The following EIF2S1 variants were observed in gnomAD, a reference collection of about 807,000 sequenced individuals.
EIF2S1 encodes the protein eukaryotic translation initiation factor 2 subunit alpha.
Under a neutral mutation model 33.5 loss-of-function variants are expected in EIF2S1, and 5 were observed. The observed-to-expected ratio is 0.15, with a 90% CI of 0.08 to 0.31. EIF2S1 has a LOEUF of 0.31. EIF2S1 is among the 10% of genes least tolerant of loss of function. The pLI is 1.00. For synonymous variants in EIF2S1, 99 were observed against 127.5 expected (o/e 0.78, Z 1.51); for missense variants, 191 against 384.6 (o/e 0.50, Z 4.21).
At chr14:67,381,762 C>CTTT in intron 6 of EIF2S1, 72 bp downstream of exon 6, 6 of 825,720 alleles carry the variant, frequency 7.3e-6, no homozygotes, top group Non-Finnish European at 7.2e-6. Flanking sequence ...ATCTTTGTTT[C>CTTT]TTTTTTTTTT....
chr14:67,370,617 T>C (rs1415480031), intron 2 of EIF2S1, among the ~76,000 whole-genome samples: 1 of 152,166 alleles, frequency 6.6e-6, no homozygotes, highest in East Asian at 1.9e-4. Flanking sequence ...TCAGGTGAAA[T>C]TAGTGAATTC....
intron 2 of EIF2S1, among the ~76,000 whole-genome samples, chr14:67,365,866 T>C (rs1000992207): frequency 2.6e-4 from 39 of 152,222 alleles, no homozygotes; most frequent in African/African-American, 9.4e-4. Context: ...TTTTAATTTT[T>C]TTTATTATAG....
chr14:67,360,406 T>C lies in EIF2S1; in HGVS notation c.-52T>C. ...GGGGAAGCAAGTCTGGTCTCTGTGATTGAAGAAGTCGGCTCTGGGCTCCAG... is the reference window on the plus strand; with the variant it reads ...GGGGAAGCAAGTCTGGTCTCTGTGACTGAAGAAGTCGGCTCTGGGCTCCAG... On this transcript the variant is annotated 5_prime_UTR_variant, in exon 1 of 8. Coordinates refer to ENST00000256383, the MANE Select transcript of EIF2S1 (RefSeq NM_004094.5). 2.5e-6 allele frequency: 1 copy of C among 394,880 alleles called. No individual in the cohort carries two copies. Among genetic ancestry groups the C allele is most frequent in the Non-Finnish European group, 4.5e-6 (1 of 224,150 alleles). 24.5% of individuals were successfully genotyped at this position (394,880 alleles called of 1,614,324 possible).
intron 4 of EIF2S1, among the ~76,000 whole-genome samples, chr14:67,378,619 C>T (rs527300603): frequency 1.3e-5 from 2 of 152,302 alleles, no homozygotes; most frequent in African/African-American, 4.8e-5. Flanking sequence ...CATTTCTTAA[C>T]TTGTCTCAAC....
At chr14:67,364,722 T>C in intron 1 of EIF2S1, 45 bp from the exon 2 acceptor site, 1 of 1,534,232 alleles carries the variant, frequency 6.5e-7, no homozygotes, top group Middle Eastern at 1.7e-4. Flanking sequence ...TTTTTTATTT[T>C]CACCTTAACT....
At chr14:67,382,322 G>A (rs1426822193) in intron 6 of EIF2S1, 125 bp from the exon 7 acceptor site, 3 of 804,406 alleles carry the variant, frequency 3.7e-6, no homozygotes, top group Non-Finnish European at 5.7e-6. Context: ...TTACTGTCCT[G>A]TAGAATTGGC....
intron 1 of EIF2S1, 114 bp downstream of exon 1, chr14:67,360,570 G>C (rs45465796): frequency 5.3e-4 from 104 of 196,466 alleles, no homozygotes; most frequent in Non-Finnish European, 9.5e-4. Flanking sequence ...CCGTCCCTGC[G>C]CGGGAAGTGG....
intron 4 of EIF2S1, among the ~76,000 whole-genome samples, chr14:67,377,126 G>A (rs553844782): frequency 3.3e-5 from 5 of 151,906 alleles, no homozygotes; most frequent in South Asian, 4.2e-4. Flanking sequence ...CTGTCTTTTC[G>A]CCATTTCCTG....
chr14:67,385,335 T>TA lies in EIF2S1; in HGVS notation c.*1897dup, dbSNP rs1481171965. 1 of 151,362 alleles carries TA rather than the reference T, an allele frequency of 6.6e-6. No individual in the cohort carries two copies. The highest frequency in any genetic ancestry group is 1.9e-4 in the East Asian group (1 of 5,154). 9.4% of individuals were successfully genotyped at this position (151,362 alleles called of 1,614,324 possible). A position where few individuals can be genotyped will look rare whatever the true frequency, so the allele number is the denominator to read the frequency against. ...TGCCAGGCATGGTAGCTCATGCCTG[T>TA]AACCCTGGCACTTAAGGGGCCAAGG... On this transcript the variant is annotated 3_prime_UTR_variant, in exon 8 of 8. Transcript: ENST00000256383.
At chr14:67,368,928 A>G (rs1404126123) in intron 2 of EIF2S1, among the ~76,000 whole-genome samples, 15 of 152,212 alleles carry the variant, frequency 9.9e-5, no homozygotes, top group Admixed American at 9.8e-4. Context: ...ATTCTAGAAA[A>G]CATTAACCTA....
chr14:67,377,302 T>C (rs2085861874), intron 4 of EIF2S1, among the ~76,000 whole-genome samples: 1 of 152,166 alleles, frequency 6.6e-6, no homozygotes, highest in Admixed American at 6.5e-5. Context: ...CTAGGAAAAA[T>C]CAGTCTTGCA....
intron 2 of EIF2S1, among the ~76,000 whole-genome samples, chr14:67,370,197 C>T (rs1452928100): frequency 6.6e-6 from 1 of 152,254 alleles, no homozygotes; most frequent in African/African-American, 2.4e-5. Flanking sequence ...TCCTTGCCCT[C>T]ATTCCTGTAA....
intron 6 of EIF2S1, 133 bp from the exon 7 acceptor site, chr14:67,382,314 A>T (rs1463623933): frequency 2.9e-6 from 2 of 699,854 alleles, no homozygotes; most frequent in Non-Finnish European, 4.5e-6. Flanking sequence ...ACCCTAAATT[A>T]CTGTCCTGTA....
Position 67,374,505 on chromosome 14 carries a change from G to T in EIF2S1, c.279G>T (p.Glu93Asp). ...TGTCAAAAAGAAGAGTTTCTCCAGAGGAAGCAATCAAATGTGAAGACAAAT... is the reference window on the plus strand; with the variant it reads ...TGTCAAAAAGAAGAGTTTCTCCAGATGAAGCAATCAAATGTGAAGACAAAT... ...IDLSKRRVSP[E>D]EAIKCEDKFT... Residue 93 changes from glutamate (E) to aspartate (D), a missense_variant, in exon 3 of 8, where the codon GAG becomes GAT. By Grantham distance (45) the Glu-to-Asp change is conservative. Transcript: ENST00000256383. 1 of 1,607,188 alleles carries T rather than the reference G, an allele frequency of 6.2e-7. No individual in the cohort carries two copies.
At chr14:67,363,298 T>C (rs1404159518) in intron 1 of EIF2S1, among the ~76,000 whole-genome samples, 1 of 151,974 alleles carries the variant, frequency 6.6e-6, no homozygotes. Flanking sequence ...TTCTCTTTAT[T>C]TGCTAAATCC....
Position 67,366,205 on chromosome 14 carries a change from C to T in EIF2S1, c.241+1197C>T, listed in dbSNP as rs568998558. The stretch of plus-strand genomic sequence containing the variant: ...TCAAGTGTTCCTCAAGCAGTCCTCC[C>T]AAGTAGCTGGAACTACAGGCATGTG... On this transcript the variant is annotated intron_variant, in intron 2 of 7. Coordinates refer to ENST00000256383, the MANE Select transcript of EIF2S1 (RefSeq NM_004094.5). 1.4e-4 allele frequency among the ~76,000 whole-genome samples: 21 copies of T among 152,082 alleles called. No homozygotes were observed. In the South Asian group the frequency reaches 3.7e-3, roughly 27 times the overall value.
At chr14:67,370,253 C>G (rs1014453151) in intron 2 of EIF2S1, among the ~76,000 whole-genome samples, 2 of 152,144 alleles carry the variant, frequency 1.3e-5, no homozygotes, top group Non-Finnish European at 2.9e-5. Context: ...ATGGACATGT[C>G]GCAGTGCTGC....
Position 67,382,485 on chromosome 14 carries a change from G to GACA in EIF2S1, c.720_722dup (p.Thr241dup). 1 of 1,613,486 alleles carries GACA rather than the reference G, an allele frequency of 6.2e-7. No individual in the cohort carries two copies. Among genetic ancestry groups the GACA allele is most frequent in the Non-Finnish European group, 8.5e-7 (1 of 1,179,638 alleles). On this transcript the variant is annotated inframe_insertion, in exon 7 of 8. Transcript: ENST00000256383. ...CTCCTCCTCGGTATGTAATGACTAC[G>GACA]ACAACCCTGGAGAGAACAGAAGGCC...
At chr14:67,362,737 ATTT>A (rs142072212) in intron 1 of EIF2S1, among the ~76,000 whole-genome samples, 2 of 152,146 alleles carry the variant, frequency 1.3e-5, no homozygotes, top group South Asian at 4.1e-4. Flanking sequence ...TTGCGGAATG[ATTT>A]TTTTAAGTTA....
Sources: allele counts gnomAD v4.1 joint callset (sites outside exome capture counted in the v4.1 genomes callset), GRCh38; gene constraint gnomAD v4.1.1; transcripts MANE v1.5; gene names NCBI Gene and HGNC (gene_info 2026-07-23, HGNC 2026-07-21).